The following NTHL1 variants were observed in gnomAD, a reference collection of about 807,000 sequenced individuals.
NTHL1 encodes nth like DNA glycosylase 1, also known as endonuclease III-like protein 1.
In NTHL1, 32 loss-of-function variants were observed where a neutral mutation model predicts 32.3. That is an observed-to-expected ratio of 0.99 (90% CI 0.75 to 1.33). The LOEUF is 1.33. Among genes scored for constraint, NTHL1 ranks in the 40% most tolerant of loss-of-function variants. The probability of loss-of-function intolerance (pLI) is 0.00; values close to 1 mark genes in which losing one functional copy is unlikely to be tolerated. For missense variants in NTHL1, 501 were observed against 414.1 expected (o/e 1.21, Z -1.82); for synonymous variants, 188 against 176.9 (o/e 1.06, Z -0.50).
Position 2,044,157 on chromosome 16 carries a change from T to C in NTHL1, c.526-431A>G. 3.1e-6 allele frequency: 1 copy of C among 321,362 alleles called. No individual in the cohort carries two copies. Among genetic ancestry groups the C allele is most frequent in the South Asian group, 3.1e-5 (1 of 32,108 alleles). 19.9% of individuals were successfully genotyped at this position (321,362 alleles called of 1,614,324 possible). On this transcript the variant is annotated intron_variant, in intron 3 of 5. Coordinates refer to ENST00000651570, the MANE Select transcript of NTHL1 (RefSeq NM_002528.7). The surrounding 1 kb of genome is among the most constrained non-coding windows in gnomAD (Gnocchi z 5.0). The stretch of plus-strand genomic sequence containing the variant: ...AGTGGAGAGGGCTATTTAAAACCCA[T>C]CTGAGAAACTGCGGCCCACGCGGGT...
Position 2,043,848 on chromosome 16 carries a change from C to T in NTHL1, c.526-122G>A. 1.7e-6 allele frequency: 2 copies of T among 1,190,376 alleles called. No homozygotes were observed. The highest frequency in any genetic ancestry group is 2.0e-5 in the Admixed American group (1 of 51,086). 73.7% of individuals were successfully genotyped at this position (1,190,376 alleles called of 1,614,324 possible). ...TGCACCTGCTGAGGACGTGTGCAAG[C>T]TCAGCCCCCGCCCCCCAGGAGGCGG... is the stretch of plus-strand genomic sequence containing the variant. On this transcript the variant is annotated intron_variant, in intron 3 of 5. Transcript: ENST00000651570. The surrounding 1 kb of genome is among the most constrained non-coding windows in gnomAD (Gnocchi z 4.4).
At chr16:2,041,649 C>T (rs1425529098) in intron 4 of NTHL1, among the ~76,000 whole-genome samples, 1 of 151,290 alleles carries the variant, frequency 6.6e-6, no homozygotes, top group African/African-American at 2.4e-5. Flanking sequence ...GCTTTGTCGC[C>T]CAGGCTGGAG....
chr16:2,040,167 C>T lies in NTHL1; in HGVS notation c.757G>A (p.Glu253Lys), dbSNP rs1330069064. The change falls in exon 5 of 6, where the codon GAG (glutamate) becomes AAG (lysine). Residue 253 changes from glutamate to lysine, a missense_variant. Glu to Lys is a moderately conservative substitution (Grantham distance 56, BLOSUM62 1). Transcript: ENST00000651570. Reference sequence around the variant, plus strand: ...CACTCCTCCAGGGCGGCGCGGGTCTCCTCTGGGGACTTGGTTGCCTTCTTG... The same window carrying T: ...CACTCCTCCAGGGCGGCGCGGGTCTTCTCTGGGGACTTGGTTGCCTTCTTG... The part of the protein sequence containing the change: ...WTKKATKSPE[E>K]TRAALEEWLP... The T allele has an allele frequency of 1.9e-6, 3 of 1,613,996 alleles. No individual in the cohort carries two copies. The highest frequency in any genetic ancestry group is 2.5e-6 in the Non-Finnish European group (3 of 1,180,034).
chr16:2,041,071 G>A (rs1019808791), intron 4 of NTHL1, among the ~76,000 whole-genome samples: 5 of 152,190 alleles, frequency 3.3e-5, no homozygotes, highest in African/African-American at 1.2e-4. Context: ...CGGTGGCCCC[G>A]GCCAGCTGCA....
In NTHL1 at chr16:2,043,480, C is replaced by A; in HGVS notation, c.685+87G>T. On this transcript the variant is annotated intron_variant, in intron 4 of 5. Transcript: ENST00000651570. This position sits in a 1 kb window ranked among gnomAD's most constrained non-coding sequence, Gnocchi z 4.4. ...ATGGGCTGGGTGGAGGACCAGCATG[C>A]TGGAAGTGGAGTCACAGGTCACAAG... 1 of 1,565,432 alleles carries A rather than the reference C, an allele frequency of 6.4e-7. No individual in the cohort carries two copies. Among genetic ancestry groups the A allele is most frequent in the Non-Finnish European group, 8.7e-7 (1 of 1,154,240 alleles).
rs749047684 is a variant in NTHL1 at position 2,040,163 on chromosome 16, G to T, written c.761C>A (p.Thr254Asn). 1.2e-6 allele frequency: 2 copies of T among 1,613,982 alleles called. No homozygotes were observed. Among genetic ancestry groups the T allele is most frequent in the East Asian group, 2.2e-5 (1 of 44,886 alleles). The change falls in exon 5 of 6, where the codon ACC becomes AAC. Residue 254 changes from threonine (T) to asparagine (N), a missense_variant. Coordinates refer to ENST00000651570, the MANE Select transcript of NTHL1 (RefSeq NM_002528.7). Reference sequence around the variant, plus strand: ...CAGCCACTCCTCCAGGGCGGCGCGGGTCTCCTCTGGGGACTTGGTTGCCTT... The same window carrying T: ...CAGCCACTCCTCCAGGGCGGCGCGGTTCTCCTCTGGGGACTTGGTTGCCTT... ...TKKATKSPEE[T>N]RAALEEWLPR...
intron 1 of NTHL1, among the ~76,000 whole-genome samples, chr16:2,046,653 A>G (rs765829385): frequency 1.3e-5 from 2 of 152,122 alleles, no homozygotes; most frequent in Non-Finnish European, 2.9e-5. Flanking sequence ...TAACACCCAC[A>G]TCAGGTTGTG....
At position 2,044,699 on chromosome 16, in the gene NTHL1, C is replaced by G; in HGVS notation, c.456G>C (p.Thr152=). 6.2e-7 allele frequency: 1 copy of G among 1,612,354 alleles called. No homozygotes were observed. Among genetic ancestry groups the G allele is most frequent in the Non-Finnish European group, 8.5e-7 (1 of 1,179,944 alleles). Residue 152 remains threonine, a synonymous_variant, in exon 3 of 6, where the codon ACG becomes ACC. Transcript: ENST00000651570. This position sits in a 1 kb window ranked among gnomAD's most constrained non-coding sequence, Gnocchi z 5.0. ...CATCTGTCTGCAGGATGCTGTCCACCGTCAGGCCCCGCGCCCGCAGTCGCT... is the reference window on the plus strand; with the variant it reads ...CATCTGTCTGCAGGATGCTGTCCACGGTCAGGCCCCGCGCCCGCAGTCGCT... The part of the protein sequence containing the change: ...AMQRLRARGL[T]VDSILQTDDA...
Position 2,040,053 on chromosome 16 carries a change from G to C in NTHL1, c.792-6C>G, listed in dbSNP as rs766881122. ...TGATCTCGTGCCACAGCTCCCTGTG[G>C]GGGTGGGGGCTGGGTCAGTGCTGAC... On this transcript the variant is annotated splice_region_variant and splice_polypyrimidine_tract_variant and intron_variant, in intron 5 of 5. Coordinates refer to ENST00000651570, the MANE Select transcript of NTHL1 (RefSeq NM_002528.7). 1.2e-6 allele frequency: 2 copies of C among 1,612,494 alleles called. No homozygotes were observed. The highest frequency in any genetic ancestry group is 2.2e-5 in the East Asian group (1 of 44,886).
In NTHL1 at chr16:2,044,834, C is replaced by A. The variant is rs369651668; in HGVS notation, c.355-34G>T. The A allele has an allele frequency of 6.4e-6, 10 of 1,553,020 alleles. No individual in the cohort carries two copies. Among genetic ancestry groups the A allele is most frequent in the Non-Finnish European group, 8.7e-6 (10 of 1,147,068 alleles). On this transcript the variant is annotated intron_variant, in intron 2 of 5. Coordinates refer to ENST00000651570, the MANE Select transcript of NTHL1 (RefSeq NM_002528.7). The surrounding 1 kb of genome is among the most constrained non-coding windows in gnomAD (Gnocchi z 5.0). ...GCAGTGACAGGGACCGGGGTGGCGG[C>A]GGGTCCTGGGTGATTCCCTGGCCAG... is the stretch of plus-strand genomic sequence containing the variant.
rs371328106 is a variant in NTHL1 at position 2,044,789 on chromosome 16, G to T, written c.366C>A (p.Tyr122Ter). Residue 122 changes from tyrosine (Y) to a stop codon, truncating the protein, a stop_gained, in exon 3 of 6, where the codon TAC becomes TAA. Transcript: ENST00000651570. LOFTEE classifies it high-confidence loss of function. The surrounding 1 kb of genome is among the most constrained non-coding windows in gnomAD (Gnocchi z 5.0). ...DSSAPPKVRR[Y>*]QVLLSLMLSS... ...AGAGCATCAGTGACAGCAGCACCTG[G>T]TACCTGCGTACCTGCTTGTGCAGTG... is the stretch of plus-strand genomic sequence containing the variant. 119 of 1,604,178 alleles carry T rather than the reference G, an allele frequency of 7.4e-5. No homozygotes were observed. Among genetic ancestry groups the T allele is most frequent in the Non-Finnish European group, 1.0e-4 (118 of 1,175,130 alleles).
intron 1 of NTHL1, among the ~76,000 whole-genome samples, 189 bp from the exon 2 acceptor site, chr16:2,046,555 G>A (rs2084404806): frequency 6.6e-6 from 1 of 152,140 alleles, no homozygotes; most frequent in Non-Finnish European, 1.5e-5. Flanking sequence ...ACCCTGACAA[G>A]GTCCATGTTA....
In NTHL1 at chr16:2,044,885, C is replaced by T; in HGVS notation, c.355-85G>A. On this transcript the variant is annotated intron_variant, in intron 2 of 5. Coordinates refer to ENST00000651570, the MANE Select transcript of NTHL1 (RefSeq NM_002528.7). The surrounding 1 kb of genome is among the most constrained non-coding windows in gnomAD (Gnocchi z 5.0). The stretch of plus-strand genomic sequence containing the variant: ...GCTCCGCCCCCCGCCCTCGACACAC[C>T]CTGGTTTGTTGCCCTGGGCCACACT... 6.9e-7 allele frequency: 1 copy of T among 1,450,498 alleles called. No individual in the cohort carries two copies. Among genetic ancestry groups the T allele is most frequent in the Non-Finnish European group, 9.2e-7 (1 of 1,084,542 alleles). The allele number at this position is 1,450,498 out of a possible 1,614,324, so 89.9% of individuals were successfully genotyped here.
At chr16:2,045,868 G>T (rs2084345368) in intron 2 of NTHL1, among the ~76,000 whole-genome samples, 1 of 152,184 alleles carries the variant, frequency 6.6e-6, no homozygotes, top group South Asian at 2.1e-4. Flanking sequence ...GAAGCAAAAG[G>T]AACTCTTCCT....
Position 2,043,771 on chromosome 16 carries a change from C to T in NTHL1, c.526-45G>A. On this transcript the variant is annotated intron_variant, in intron 3 of 5. Transcript: ENST00000651570. The surrounding 1 kb of genome is among the most constrained non-coding windows in gnomAD (Gnocchi z 4.4). ...TCAGCCTTGGAGGCAAGGGCACAGC[C>T]CAACCTGGGAGGATGCAGCCCCCAG... 1 of 1,606,282 alleles carries T rather than the reference C, an allele frequency of 6.2e-7. No individual in the cohort carries two copies. Among genetic ancestry groups the T allele is most frequent in the Non-Finnish European group, 8.5e-7 (1 of 1,179,254 alleles).
chr16:2,039,820 T>G lies in NTHL1; in HGVS notation c.*104A>C, dbSNP rs903082883. ...GGACAGACATCAGCCAGATCCCATC[T>G]GCAAACACACCAAAGCTTTATTCAA... On this transcript the variant is annotated 3_prime_UTR_variant, in exon 6 of 6. Coordinates refer to ENST00000651570, the MANE Select transcript of NTHL1 (RefSeq NM_002528.7). 1.2e-5 allele frequency: 18 copies of G among 1,534,246 alleles called. No individual in the cohort carries two copies. The highest frequency in any genetic ancestry group is 1.6e-5 in the Non-Finnish European group (18 of 1,127,534).
rs2084321921 is a variant in NTHL1, at chr16:2,044,865, GC to G, written c.355-66del. ...CTGGGTGATTCCCTGGCCAGGCTCC[GC>G]CCCCCGCCCTCGACACACCCTGGTT... On this transcript the variant is annotated intron_variant, in intron 2 of 5. Coordinates refer to ENST00000651570, the MANE Select transcript of NTHL1 (RefSeq NM_002528.7). The surrounding 1 kb of genome is among the most constrained non-coding windows in gnomAD (Gnocchi z 5.0). The G allele has an allele frequency of 8.7e-6, 13 of 1,494,206 alleles. No individual in the cohort carries two copies. Among genetic ancestry groups the G allele is most frequent in the Non-Finnish European group, 9.0e-6 (10 of 1,112,490 alleles). The allele number at this position is 1,494,206 out of a possible 1,614,324, so 92.6% of individuals were successfully genotyped here.
Position 2,043,796 on chromosome 16 carries a change from G to A in NTHL1, c.526-70C>T. 2 of 1,585,302 alleles carry A rather than the reference G, an allele frequency of 1.3e-6. No homozygotes were observed. The highest frequency in any genetic ancestry group is 1.1e-5 in the South Asian group (1 of 90,094). ...CCAACCTGGGAGGATGCAGCCCCCA[G>A]GAGACCCACAGGTGGCCAGAGCTAC... On this transcript the variant is annotated intron_variant, in intron 3 of 5. Transcript: ENST00000651570. This position sits in a 1 kb window ranked among gnomAD's most constrained non-coding sequence, Gnocchi z 4.4.
intron 4 of NTHL1, chr16:2,042,040 C>A: frequency 2.2e-6 from 1 of 456,026 alleles, no homozygotes; most frequent in Non-Finnish European, 4.4e-6. Context: ...GGCTTGAGCC[C>A]TTGTACCCAG....
Sources: gnomAD v4.1 joint callset for allele counts (sites outside exome capture counted in the v4.1 genomes callset) on GRCh38, gnomAD v4.1.1 for gene constraint, Gnocchi (gnomAD v3.1) non-coding constraint, MANE v1.5 for transcripts, NCBI Gene and HGNC (gene_info 2026-07-23, HGNC 2026-07-21) for gene names.